TP53I11: variants seen among roughly 807,000 people sequenced by gnomAD.
TP53I11 encodes the protein tumor protein p53 inducible protein 11, also known as tumor protein p53-inducible protein 11.
Under a neutral mutation model 23.3 loss-of-function variants are expected in TP53I11, and 9 were observed. That is an observed-to-expected ratio of 0.39 (90% CI 0.23 to 0.67). The LOEUF (loss-of-function observed/expected upper bound fraction) is 0.67. Among genes scored for constraint, TP53I11 ranks in the 30% least tolerant of loss-of-function variants. The probability of loss-of-function intolerance (pLI) is 0.48; values close to 1 mark genes in which losing one functional copy is unlikely to be tolerated. For missense variants in TP53I11, 170 were observed against 255.2 expected (o/e 0.67, Z 2.27); for synonymous variants, 100 against 106.1 (o/e 0.94, Z 0.35).
At chr11:44,943,767 C>T (rs761277324) in intron 1 of TP53I11, among the ~76,000 whole-genome samples, 9 of 152,216 alleles carry the variant, frequency 5.9e-5, no homozygotes, top group Non-Finnish European at 1.2e-4. Flanking sequence ...GGCAGTTTGA[C>T]TCCCCAAGAC....
At chr11:44,944,980 G>A (rs1862248894) in intron 1 of TP53I11, among the ~76,000 whole-genome samples, 2 of 152,352 alleles carry the variant, frequency 1.3e-5, no homozygotes, top group South Asian at 4.1e-4. Flanking sequence ...CTGCCGAGCT[G>A]TCCCCAGCAT....
chr11:44,938,148 A>C, intron 2 of TP53I11, 59 bp downstream of exon 2: 1 of 1,555,856 alleles, frequency 6.4e-7, no homozygotes, highest in Non-Finnish European at 8.7e-7. Flanking sequence ...CTTCTCCCCT[A>C]ATGGTGGGTC....
intron 1 of TP53I11, among the ~76,000 whole-genome samples, chr11:44,944,700 A>G (rs1590789536): frequency 1.3e-5 from 2 of 152,174 alleles, no homozygotes; most frequent in South Asian, 4.1e-4. Flanking sequence ...CTGAGCCTCT[A>G]TGTCCTCATC....
Position 44,936,119 on chromosome 11 carries a change from TG to T in TP53I11, c.335-458del. ...AAGGACTCGCTTTAAGGAAGTCCCC[TG>T]GGGGAGGGGGATGAACCATACTTTT... is the stretch of plus-strand genomic sequence containing the variant. On this transcript the variant is annotated intron_variant, in intron 5 of 6. Coordinates refer to ENST00000525680, the MANE Select transcript of TP53I11 (RefSeq NM_006034.5). This position sits in a 1 kb window ranked among gnomAD's most constrained non-coding sequence, Gnocchi z 4.4. 2 of 728,250 alleles carry T rather than the reference TG, an allele frequency of 2.7e-6. No individual in the cohort carries two copies. Among genetic ancestry groups the T allele is most frequent in the Non-Finnish European group, 3.4e-6 (2 of 587,564 alleles). 45.1% of individuals were successfully genotyped at this position (728,250 alleles called of 1,614,324 possible).
chr11:44,947,545 C>T (rs1862510400), intron 1 of TP53I11, among the ~76,000 whole-genome samples: 1 of 152,218 alleles, frequency 6.6e-6, no homozygotes. Flanking sequence ...TCTTCAAAAG[C>T]AAGCGGTGAT....
At chr11:44,943,756 C>T (rs996473255) in intron 1 of TP53I11, among the ~76,000 whole-genome samples, 4 of 152,198 alleles carry the variant, frequency 2.6e-5, no homozygotes, top group Admixed American at 6.5e-5. Context: ...GGTCATTTCA[C>T]GGCAGTTTGA....
chr11:44,935,214 T>TGGCAGGAACTGGGGCAC (rs1412675651), intron 6 of TP53I11, among the ~76,000 whole-genome samples, 197 bp from the exon 7 acceptor site: 4 of 152,168 alleles, frequency 2.6e-5, no homozygotes, highest in Non-Finnish European at 5.9e-5. Flanking sequence ...GTCTCCCATG[T>TGGCAGGAACTGGGGCAC]GGCAGGAACT....
chr11:44,949,932 C>G (rs1297936979), intron 1 of TP53I11: 1 of 152,354 alleles, frequency 6.6e-6, no homozygotes, highest in Non-Finnish European at 1.5e-5. Context: ...TCGCCCCTCC[C>G]CCTGCAATCT....
intron 1 of TP53I11, among the ~76,000 whole-genome samples, chr11:44,944,632 G>A (rs1862214459): frequency 6.6e-6 from 1 of 152,124 alleles, no homozygotes; most frequent in Non-Finnish European, 1.5e-5. Context: ...GAAAACTTGG[G>A]CTCAAATCCC....
intron 4 of TP53I11, 174 bp downstream of exon 4, chr11:44,937,130 G>A: frequency 1.2e-6 from 1 of 857,576 alleles, no homozygotes; most frequent in Non-Finnish European, 1.9e-6. Flanking sequence ...GTGTGCTCCT[G>A]GAGAAGGCAC....
In TP53I11 at chr11:44,936,527, T is replaced by C. The variant is rs774357611; in HGVS notation, c.334+276A>G. On this transcript the variant is annotated intron_variant, in intron 5 of 6. Coordinates refer to ENST00000525680, the MANE Select transcript of TP53I11 (RefSeq NM_006034.5). This position sits in a 1 kb window ranked among gnomAD's most constrained non-coding sequence, Gnocchi z 4.4. ...GCTGGGCCTGGGCTTCCTCCATCTC[T>C]GTACCACAACGCCCAGAGGCAGTGC... 1.8e-5 allele frequency: 22 copies of C among 1,252,704 alleles called. No individual in the cohort carries two copies. Among genetic ancestry groups the C allele is most frequent in the Non-Finnish European group, 2.1e-5 (21 of 999,266 alleles). The allele number at this position is 1,252,704 out of a possible 1,614,324, so 77.6% of individuals were successfully genotyped here. A position where few individuals can be genotyped will look rare whatever the true frequency, so the allele number is the denominator to read the frequency against.
Position 44,936,704 on chromosome 11 carries a change from G to T in TP53I11, c.334+99C>A. 1 of 1,353,440 alleles carries T rather than the reference G, an allele frequency of 7.4e-7. No homozygotes were observed. Among genetic ancestry groups the T allele is most frequent in the Non-Finnish European group, 9.6e-7 (1 of 1,045,882 alleles). The allele number at this position is 1,353,440 out of a possible 1,614,324, so 83.8% of individuals were successfully genotyped here. On this transcript the variant is annotated intron_variant, in intron 5 of 6. Coordinates refer to ENST00000525680, the MANE Select transcript of TP53I11 (RefSeq NM_006034.5). This position sits in a 1 kb window ranked among gnomAD's most constrained non-coding sequence, Gnocchi z 4.4. ...GGGCGCAGCATCTGGCCGAAGAAAG[G>T]AAGGGGTGCCCGGGCACGGACCCCC...
intron 4 of TP53I11, 159 bp downstream of exon 4, chr11:44,937,145 G>A (rs1306793524): frequency 6.6e-6 from 6 of 912,354 alleles, no homozygotes; most frequent in Middle Eastern, 2.1e-4. Context: ...AGGCACAGGC[G>A]TGGCAGTGTA....
Position 44,932,452 on chromosome 11 carries a change from A to C in TP53I11, c.*2432T>G, listed in dbSNP as rs1860628483. On this transcript the variant is annotated 3_prime_UTR_variant, in exon 7 of 7. Coordinates refer to ENST00000525680, the MANE Select transcript of TP53I11 (RefSeq NM_006034.5). ...AGGTGGTCTTGATTTGGGGTTGGGGATAGACTGGGGCGAGGCAGAAGCTTG... is the reference window on the plus strand; with the variant it reads ...AGGTGGTCTTGATTTGGGGTTGGGGCTAGACTGGGGCGAGGCAGAAGCTTG... 6.6e-6 allele frequency: 1 copy of C among 152,316 alleles called. No homozygotes were observed. The highest frequency in any genetic ancestry group is 6.5e-5 in the Admixed American group (1 of 15,276). The allele number at this position is 152,316 out of a possible 1,614,324, so 9.4% of individuals were successfully genotyped here. A position where few individuals can be genotyped will look rare whatever the true frequency, so the allele number is the denominator to read the frequency against.
intron 1 of TP53I11, among the ~76,000 whole-genome samples, chr11:44,941,998 T>A (rs76683347): frequency 1.7e-4 from 1 of 5,834 alleles, no homozygotes; most frequent in Admixed American, 2.0e-3. Context: ...ACACCACATA[T>A]ACACACCATA....
intron 1 of TP53I11, among the ~76,000 whole-genome samples, chr11:44,944,416 T>G (rs1338173711): frequency 6.6e-6 from 1 of 152,198 alleles, no homozygotes; most frequent in East Asian, 1.9e-4. Context: ...AGCCAAGATC[T>G]GACTCCCTGC....
At position 44,938,343 on chromosome 11, in the gene TP53I11, T is replaced by C. The variant is rs1565084406; in HGVS notation, c.-8A>G. ...GGGCTGCTTGGCCGCCATCTTCTCC[T>C]CCAGCCCGGCCTCTGCAGAAGGGCT... On this transcript the variant is annotated 5_prime_UTR_variant, in exon 2 of 7. Coordinates refer to ENST00000525680, the MANE Select transcript of TP53I11 (RefSeq NM_006034.5). 5 of 1,591,396 alleles carry C rather than the reference T, an allele frequency of 3.1e-6. No homozygotes were observed. The highest frequency in any genetic ancestry group is 3.5e-5 in the Admixed American group (2 of 57,918).
intron 4 of TP53I11, 161 bp downstream of exon 4, chr11:44,937,143 G>T: frequency 1.1e-6 from 1 of 900,904 alleles, no homozygotes; most frequent in Non-Finnish European, 1.8e-6. Context: ...GAAGGCACAG[G>T]CGTGGCAGTG....
intron 1 of TP53I11, among the ~76,000 whole-genome samples, chr11:44,938,827 A>G (rs1366820690): frequency 2.0e-5 from 3 of 152,114 alleles, no homozygotes; most frequent in Non-Finnish European, 2.9e-5. Context: ...CTTCTGCCCA[A>G]TCCTGCAAGC....
Sources: gnomAD v4.1 joint callset for allele counts (sites outside exome capture counted in the v4.1 genomes callset) on GRCh38, gnomAD v4.1.1 for gene constraint, Gnocchi (gnomAD v3.1) non-coding constraint, MANE v1.5 for transcripts, NCBI Gene and HGNC (gene_info 2026-07-23, HGNC 2026-07-21) for gene names.